USP10: variants seen among roughly 807,000 people sequenced by gnomAD.
USP10 encodes the protein ubiquitin specific peptidase 10, also known as ubiquitin carboxyl-terminal hydrolase 10.
Under a neutral mutation model 84.5 loss-of-function variants are expected in USP10, and 22 were observed. The observed-to-expected ratio is 0.26, with a 90% confidence interval of 0.19 to 0.37. The LOEUF is 0.37. Ranked by LOEUF, USP10 falls within the 10% of genes least tolerant of loss-of-function variation. The probability of loss-of-function intolerance (pLI) is 1.00; values close to 1 mark genes in which losing one functional copy is unlikely to be tolerated. For missense variants in USP10, 1,019 were observed against 998.9 expected (o/e 1.02, Z -0.27); for synonymous variants, 454 against 387.6 (o/e 1.17, Z -2.01).
chr16:84,779,115 C>A lies in USP10; in HGVS notation c.*33C>A. ...GTGCGCTGTGTGTGCGCCCAGTGCCCGCTTCGTAGGACACCACCTCACACT... is the reference window on the plus strand; with the variant it reads ...GTGCGCTGTGTGTGCGCCCAGTGCCAGCTTCGTAGGACACCACCTCACACT... On this transcript the variant is annotated 3_prime_UTR_variant, in exon 14 of 14. Coordinates refer to ENST00000219473, the MANE Select transcript of USP10 (RefSeq NM_005153.3). 3 of 1,587,094 alleles carry A rather than the reference C, an allele frequency of 1.9e-6. No homozygotes were observed. Among genetic ancestry groups the A allele is most frequent in the African/African-American group, 2.7e-5 (2 of 74,692 alleles).
chr16:84,747,554 A>ATTTTTT (rs71151244), intron 4 of USP10, among the ~76,000 whole-genome samples: 13 of 72,990 alleles, frequency 1.8e-4, no homozygotes, highest in Non-Finnish European at 2.3e-4. Flanking sequence ...AAGCCAGGTG[A>ATTTTTT]TTTTTTTTTT....
rs1324645491 is a variant in USP10 at position 84,760,018 on chromosome 16, A to G, written c.1450+72A>G. ...TGGAGACAGATGACTTAAATTTGGT[A>G]AATTCAGTCTTGTTGGGAAGATAGT... is the stretch of plus-strand genomic sequence containing the variant. On this transcript the variant is annotated intron_variant, in intron 7 of 13. Transcript: ENST00000219473. 3 of 1,577,502 alleles carry G rather than the reference A, an allele frequency of 1.9e-6. No homozygotes were observed. In the African/African-American group the frequency reaches 4.0e-5, roughly 21 times the overall value.
rs568207702 is a variant in USP10, at chr16:84,729,821, G to A, written c.22-3614G>A. Reference sequence around the variant, plus strand: ...AATTAAGTTGGAGTTCAAAACAGCCGTGGCTAGTGATTTGTCAAGTGTTAA... The same window carrying A: ...AATTAAGTTGGAGTTCAAAACAGCCATGGCTAGTGATTTGTCAAGTGTTAA... On this transcript the variant is annotated intron_variant, in intron 1 of 13. Coordinates refer to ENST00000219473, the MANE Select transcript of USP10 (RefSeq NM_005153.3). 7.2e-5 allele frequency among the ~76,000 whole-genome samples: 11 copies of A among 152,296 alleles called. No homozygotes were observed. The South Asian group carries it at 1.0e-3, about 14-fold the overall frequency.
intron 13 of USP10, among the ~76,000 whole-genome samples, chr16:84,777,412 A>C (rs141718815): frequency 6.6e-6 from 1 of 152,316 alleles, no homozygotes; most frequent in Admixed American, 6.5e-5. Flanking sequence ...GTGAAGATCT[A>C]GGACAGAAGT....
intron 1 of USP10, among the ~76,000 whole-genome samples, chr16:84,714,125 G>A (rs899368794): frequency 1.3e-5 from 2 of 152,196 alleles, no homozygotes; most frequent in Non-Finnish European, 2.9e-5. Context: ...GAGCACAGAG[G>A]CGGAGGTAGA....
In USP10 at chr16:84,704,634, T is replaced by A. The variant is rs114391759; in HGVS notation, c.21+4523T>A. Reference sequence around the variant, plus strand: ...GGTAGCCCTTGGGGTATGTGTATAGTATTTGTTTCAAGGATCAGAAAATGT... The same window carrying A: ...GGTAGCCCTTGGGGTATGTGTATAGAATTTGTTTCAAGGATCAGAAAATGT... On this transcript the variant is annotated intron_variant, in intron 1 of 13. Transcript: ENST00000219473. The A allele has an allele frequency of 2.4e-3, 3,318 of 1,370,284 alleles. 44 individuals are homozygous for A. In the African/African-American group the frequency reaches 0.038, roughly 16 times the overall value. The allele number at this position is 1,370,284 out of a possible 1,614,324, so 84.9% of individuals were successfully genotyped here.
intron 2 of USP10, among the ~76,000 whole-genome samples, chr16:84,736,370 G>T (rs1299255403): frequency 6.6e-6 from 1 of 152,226 alleles, no homozygotes; most frequent in African/African-American, 2.4e-5. Context: ...CCTCCTGCCA[G>T]CGGAGGGCTG....
At position 84,705,017 on chromosome 16, in the gene USP10, A is replaced by C. The variant is rs544431749; in HGVS notation, c.21+4906A>C. Among the ~76,000 whole-genome samples, 5 of 152,326 alleles carry C rather than the reference A, an allele frequency of 3.3e-5. No homozygotes were observed. The East Asian group carries it at 9.6e-4, about 29-fold the overall frequency. ...TGCGCTGTAATGGTGGCTGCTCCTA[A>C]GAGTCCTCAGTCTCCTCCCCGTTGG... On this transcript the variant is annotated intron_variant, in intron 1 of 13. Coordinates refer to ENST00000219473, the MANE Select transcript of USP10 (RefSeq NM_005153.3).
At chr16:84,714,042 G>C (rs1466585492) in intron 1 of USP10, among the ~76,000 whole-genome samples, 1 of 152,202 alleles carries the variant, frequency 6.6e-6, no homozygotes, top group Non-Finnish European at 1.5e-5. Context: ...GGCTTTTCCT[G>C]GGCACCAGAA....
intron 4 of USP10, among the ~76,000 whole-genome samples, chr16:84,756,642 G>C (rs553533909): frequency 6.6e-6 from 1 of 151,970 alleles, no homozygotes; most frequent in South Asian, 2.1e-4. Flanking sequence ...TGAGTCTTAA[G>C]GTTAGGTTTA....
chr16:84,706,009 A>T (rs1232878615), intron 1 of USP10, among the ~76,000 whole-genome samples: 2 of 152,128 alleles, frequency 1.3e-5, no homozygotes, highest in Admixed American at 1.3e-4. Flanking sequence ...GGCATGAGCC[A>T]CTGCCCCCAG....
intron 10 of USP10, among the ~76,000 whole-genome samples, chr16:84,765,463 T>A (rs1286239589): frequency 1.4e-5 from 2 of 147,360 alleles, no homozygotes; most frequent in Non-Finnish European, 3.0e-5. Flanking sequence ...TTTCCCTATC[T>A]CTGTAGTTTC....
chr16:84,729,321 A>T (rs536253052), intron 1 of USP10, among the ~76,000 whole-genome samples: 5 of 152,336 alleles, frequency 3.3e-5, no homozygotes, highest in Admixed American at 2.0e-4. Flanking sequence ...TGTGCATTGC[A>T]ATTCTAAGAA....
intron 1 of USP10, among the ~76,000 whole-genome samples, chr16:84,709,816 G>T (rs1906043504): frequency 6.6e-6 from 1 of 152,176 alleles, no homozygotes; most frequent in Non-Finnish European, 1.5e-5. Flanking sequence ...CTGTGCAGAG[G>T]AACTGTCTCA....
chr16:84,711,049 G>T (rs1295825243), intron 1 of USP10, among the ~76,000 whole-genome samples: 1 of 152,154 alleles, frequency 6.6e-6, no homozygotes, highest in African/African-American at 2.4e-5. Context: ...GCGCCGAGTG[G>T]AATGGTGGAA....
chr16:84,742,083 A>G (rs1597346428), intron 3 of USP10, among the ~76,000 whole-genome samples: 3 of 151,954 alleles, frequency 2.0e-5, no homozygotes, highest in South Asian at 2.1e-4. Context: ...ATTTTTTTAT[A>G]TTTTAATTTT....
At chr16:84,744,542 A>T (rs1567621991) in intron 3 of USP10, 91 bp from the exon 4 acceptor site, 4 of 1,225,818 alleles carry the variant, frequency 3.3e-6, no homozygotes, top group Non-Finnish European at 3.3e-6. Flanking sequence ...AGAGAACTTA[A>T]GGTTTTTATT....
Position 84,772,591 on chromosome 16 carries a change from G to A in USP10, c.2049G>A (p.Val683=), listed in dbSNP as rs980663672. Residue 683 remains valine (V), a synonymous_variant, in exon 12 of 14, where the codon GTG becomes GTA. Transcript: ENST00000219473. ...TGGAAAAACTCCCTCCTGTCCTCGTGCTGCACCTGAAACGATTCGTTTATG... is the reference window on the plus strand; with the variant it reads ...TGGAAAAACTCCCTCCTGTCCTCGTACTGCACCTGAAACGATTCGTTTATG... The part of the protein sequence containing the change: ...VTLEKLPPVL[V]LHLKRFVYEK... The A allele has an allele frequency of 6.2e-6, 10 of 1,613,854 alleles. No individual in the cohort carries two copies. Among genetic ancestry groups the A allele is most frequent in the Non-Finnish European group, 7.6e-6 (9 of 1,179,886 alleles).
intron 1 of USP10, among the ~76,000 whole-genome samples, chr16:84,710,499 G>A (rs372131758): frequency 6.6e-6 from 1 of 152,090 alleles, no homozygotes; most frequent in Non-Finnish European, 1.5e-5. Context: ...GCCCTTCAGT[G>A]TCCTCAGTGG....
Sources: gnomAD v4.1 joint callset for allele counts (sites outside exome capture counted in the v4.1 genomes callset) on GRCh38, gnomAD v4.1.1 for gene constraint, MANE v1.5 for transcripts, NCBI Gene and HGNC (gene_info 2026-07-23, HGNC 2026-07-21) for gene names.